Variants in PAN3 observed in about 807,000 individuals in gnomAD.
The protein encoded by PAN3 is PAN2-PAN3 deadenylation complex subunit PAN3.
A neutral mutation model predicts 96.2 loss-of-function variants in PAN3; 19 were observed. The observed-to-expected ratio is 0.20, with a 90% confidence interval of 0.14 to 0.29. The LOEUF (loss-of-function observed/expected upper bound fraction) is 0.29, where lower values mean the gene tolerates loss of function less well. PAN3 is among the 10% of genes least tolerant of loss of function. The pLI is 1.00. For missense variants in PAN3, 882 were observed against 1,108.1 expected (o/e 0.80, Z 2.90); for synonymous variants, 433 against 406.6 (o/e 1.06, Z -0.78).
At chr13:28,261,499 T>C (rs780809920) in intron 9 of PAN3, 41 bp downstream of exon 9, 11 of 1,549,628 alleles carry the variant, frequency 7.1e-6, no homozygotes, top group Admixed American at 5.1e-5. Flanking sequence ...TAAAGGCTGT[T>C]ATAATTCTTA....
At chr13:28,228,956 T>C (rs1882273180) in intron 6 of PAN3, among the ~76,000 whole-genome samples, 1 of 152,196 alleles carries the variant, frequency 6.6e-6, no homozygotes, top group African/African-American at 2.4e-5. Context: ...TCAGGTTGGC[T>C]AGGATGCTCT....
intron 4 of PAN3, among the ~76,000 whole-genome samples, chr13:28,195,273 C>T (rs1593450235): frequency 1.3e-5 from 2 of 152,024 alleles, no homozygotes; most frequent in African/African-American, 2.4e-5. Context: ...CGTGGTGGCA[C>T]ATGCCTGTAG....
At chr13:28,179,170 C>T (rs1484229538) in intron 4 of PAN3, among the ~76,000 whole-genome samples, 1 of 152,158 alleles carries the variant, frequency 6.6e-6, no homozygotes, top group Non-Finnish European at 1.5e-5. Flanking sequence ...TAAATTTACC[C>T]TGCTTTACAT....
intron 1 of PAN3, among the ~76,000 whole-genome samples, chr13:28,152,309 C>A (rs1046877943): frequency 6.6e-6 from 1 of 152,122 alleles, no homozygotes; most frequent in African/African-American, 2.4e-5. Context: ...AGAGGCTGGG[C>A]CCTGTGGCTC....
rs1200893645 is a variant in PAN3, at chr13:28,204,524, C to T, written c.852+7178C>T. On this transcript the variant is annotated intron_variant, in intron 5 of 18. Transcript: ENST00000380958. Reference sequence around the variant, plus strand: ...TGTTTATATTTATTTAGAGTACAGCCTGCAGTTATATTCATATGTGCTTAA... The same window carrying T: ...TGTTTATATTTATTTAGAGTACAGCTTGCAGTTATATTCATATGTGCTTAA... Among the ~76,000 whole-genome samples, 3 of 152,154 alleles carry T rather than the reference C, an allele frequency of 2.0e-5. No homozygotes were observed. In the East Asian group the frequency reaches 5.8e-4, roughly 29 times the overall value.
intron 1 of PAN3, among the ~76,000 whole-genome samples, chr13:28,162,572 A>C (rs898663345): frequency 6.6e-6 from 1 of 151,974 alleles, no homozygotes; most frequent in African/African-American, 2.4e-5. Context: ...TGTAGAACCC[A>C]GGAGGTGGAG....
At chr13:28,283,268 C>T (rs1398795374) in intron 17 of PAN3, among the ~76,000 whole-genome samples, 4 of 152,076 alleles carry the variant, frequency 2.6e-5, no homozygotes, top group Admixed American at 6.5e-5. Flanking sequence ...AAGCTGGTCT[C>T]GAACTCCTGA....
At chr13:28,148,925 A>C (rs760798306) in intron 1 of PAN3, among the ~76,000 whole-genome samples, 1 of 152,154 alleles carries the variant, frequency 6.6e-6, no homozygotes, top group African/African-American at 2.4e-5. Context: ...TAGTCTTGCT[A>C]TTACAAATGT....
intron 6 of PAN3, among the ~76,000 whole-genome samples, chr13:28,221,589 G>A (rs1881418341): frequency 6.6e-6 from 1 of 152,114 alleles, no homozygotes; most frequent in African/African-American, 2.4e-5. Context: ...AGAGTACTCA[G>A]AGCTTAATAA....
chr13:28,188,644 G>A (rs953859163), intron 4 of PAN3, among the ~76,000 whole-genome samples: 1 of 152,164 alleles, frequency 6.6e-6, no homozygotes, highest in East Asian at 1.9e-4. Flanking sequence ...AGTGTAAATA[G>A]TGAAATGATT....
At chr13:28,165,612 A>G (rs1259299433) in intron 1 of PAN3, among the ~76,000 whole-genome samples, 1 of 152,186 alleles carries the variant, frequency 6.6e-6, no homozygotes, top group Non-Finnish European at 1.5e-5. Context: ...CATATCTATA[A>G]TGATTGTTCA....
chr13:28,196,985 G>A (rs1392872781), intron 4 of PAN3, among the ~76,000 whole-genome samples, 200 bp from the exon 5 acceptor site: 1 of 152,170 alleles, frequency 6.6e-6, no homozygotes, highest in Non-Finnish European at 1.5e-5. Context: ...TAGCCCATTA[G>A]GAGTGTGGGT....
chr13:28,143,286 T>G (rs1427964686), intron 1 of PAN3, among the ~76,000 whole-genome samples: 1 of 152,140 alleles, frequency 6.6e-6, no homozygotes, highest in Non-Finnish European at 1.5e-5. Context: ...AGTCTTGGGA[T>G]TTTTCTAAGG....
intron 9 of PAN3, among the ~76,000 whole-genome samples, chr13:28,265,217 C>G (rs1886059854): frequency 6.6e-6 from 1 of 152,256 alleles, no homozygotes; most frequent in African/African-American, 2.4e-5. Flanking sequence ...TGTATTCTTC[C>G]GTTGTACTGC....
chr13:28,139,192 C>A lies in PAN3; in HGVS notation c.430+105C>A, dbSNP rs938267961. 40 of 1,190,338 alleles carry A rather than the reference C, an allele frequency of 3.4e-5. 1 individual carries two copies. The South Asian group carries it at 4.6e-4, about 14-fold the overall frequency. 73.7% of individuals were successfully genotyped at this position (1,190,338 alleles called of 1,614,324 possible). On this transcript the variant is annotated intron_variant, in intron 1 of 18. Transcript: ENST00000380958. ...CTGAGCACGGCCCGCGGGCTCCCCC[C>A]CTCACCTCCCAAGGCGGTCTGAGAG... is the stretch of plus-strand genomic sequence containing the variant.
intron 4 of PAN3, among the ~76,000 whole-genome samples, chr13:28,185,287 C>A (rs1876310949): frequency 6.6e-6 from 1 of 152,074 alleles, no homozygotes; most frequent in African/African-American, 2.4e-5. Context: ...TTGAAACTTG[C>A]TAAAAATATG....
At chr13:28,272,996 CCCTT>C (rs1886757239) in intron 14 of PAN3, among the ~76,000 whole-genome samples, 2 of 152,154 alleles carry the variant, frequency 1.3e-5, no homozygotes, top group Non-Finnish European at 2.9e-5. Flanking sequence ...TTAAATGACA[CCCTT>C]CTTTTTCACT....
intron 5 of PAN3, among the ~76,000 whole-genome samples, chr13:28,219,038 G>T (rs1881107778): frequency 6.6e-6 from 1 of 152,156 alleles, no homozygotes; most frequent in Non-Finnish European, 1.5e-5. Flanking sequence ...TACTACGTTA[G>T]TAAAATGCAG....
intron 6 of PAN3, among the ~76,000 whole-genome samples, chr13:28,248,493 C>G (rs552396193): frequency 6.7e-6 from 1 of 150,098 alleles, no homozygotes; most frequent in East Asian, 2.0e-4. Flanking sequence ...GCATCTTTGT[C>G]TTGTTCCAGA....
Sources: gnomAD v4.1 joint callset for allele counts (sites outside exome capture counted in the v4.1 genomes callset) on GRCh38, gnomAD v4.1.1 for gene constraint, MANE v1.5 for transcripts, NCBI Gene and HGNC (gene_info 2026-07-23, HGNC 2026-07-21) for gene names.